The following SMAD7 variants were observed in gnomAD, a reference collection of about 807,000 sequenced individuals.
SMAD7 encodes MAD (mothers against decapentaplegic, Drosophila) homolog 7.
Under a neutral mutation model 38.7 loss-of-function variants are expected in SMAD7, and 8 were observed. The ratio of observed to expected loss-of-function variants is 0.21; its 90% CI spans 0.12 to 0.37. SMAD7 has a LOEUF of 0.37. SMAD7 is among the 10% of genes least tolerant of loss of function. SMAD7 has a pLI of 1.00. For synonymous variants in SMAD7, 327 were observed against 265.1 expected, an observed-to-expected ratio of 1.23 and a Z score of -2.27; for missense variants, 477 against 577.9, an observed-to-expected ratio of 0.83 and a Z score of 1.79.
chr18:48,921,268 C>T lies in SMAD7; in HGVS notation c.*104G>A. On this transcript the variant is annotated 3_prime_UTR_variant, in exon 4 of 4. Transcript: ENST00000262158. This position sits in a 1 kb window ranked among gnomAD's most constrained non-coding sequence, Gnocchi z 6.4. ...AACCAACAAACAAAAAAAAAACGAC[C>T]AAAGAGTTTGCATGAAAAGCAAGCA... is the stretch of plus-strand genomic sequence containing the variant. The T allele has an allele frequency of 9.5e-7, 1 of 1,051,246 alleles. No homozygotes were observed. Among genetic ancestry groups the T allele is most frequent in the Non-Finnish European group, 1.4e-6 (1 of 734,468 alleles). 65.1% of individuals were successfully genotyped at this position (1,051,246 alleles called of 1,614,324 possible).
intron 3 of SMAD7, among the ~76,000 whole-genome samples, chr18:48,932,320 G>C (rs548023358): frequency 1.3e-5 from 2 of 152,286 alleles, no homozygotes; most frequent in African/African-American, 4.8e-5. Flanking sequence ...ATCTGCCAAC[G>C]GCACAGTCAT....
chr18:48,946,231 C>T (rs1382116176), intron 2 of SMAD7, among the ~76,000 whole-genome samples: 1 of 152,180 alleles, frequency 6.6e-6, no homozygotes, highest in South Asian at 2.1e-4. Context: ...CCTGTTTCAT[C>T]TAGTAACCCA....
chr18:48,949,682 A>G (rs2070238041), intron 1 of SMAD7, 130 bp downstream of exon 1: 7 of 954,836 alleles, frequency 7.3e-6, no homozygotes, highest in South Asian at 3.9e-5. Context: ...CCAGGAGGGT[A>G]TGCACACTCT....
chr18:48,920,611 C>G lies in SMAD7; in HGVS notation c.*761G>C, dbSNP rs554512204. 4 of 152,526 alleles carry G rather than the reference C, an allele frequency of 2.6e-5. No homozygotes were observed. In the East Asian group the frequency reaches 7.7e-4, roughly 29 times the overall value. The allele number at this position is 152,526 out of a possible 1,614,324, so 9.4% of individuals were successfully genotyped here. A position where few individuals can be genotyped will look rare whatever the true frequency, so the allele number is the denominator to read the frequency against. Reference sequence around the variant, plus strand: ...GCTGCCCCGGCAGCCCTTGGGAAGCCCATCTCAGGGAGATCCAGGAGCAGA... The same window carrying G: ...GCTGCCCCGGCAGCCCTTGGGAAGCGCATCTCAGGGAGATCCAGGAGCAGA... On this transcript the variant is annotated 3_prime_UTR_variant, in exon 4 of 4. Coordinates refer to ENST00000262158, the MANE Select transcript of SMAD7 (RefSeq NM_005904.4).
At chr18:48,947,896 C>CG (rs1568306375) in intron 2 of SMAD7, among the ~76,000 whole-genome samples, 1 of 145,302 alleles carries the variant, frequency 6.9e-6, no homozygotes, top group Non-Finnish European at 1.5e-5. Flanking sequence ...GAACCTACCC[C>CG]CCCCCCCCTT....
Position 48,950,362 on chromosome 18 carries a change from G to GC in SMAD7, c.62dup (p.Glu22ArgfsTer160). The stretch of plus-strand genomic sequence containing the variant: ...CCCCTGCGCCCTCCTCCTCGTCCTC[G>GC]CCGCCGGGCGCACGGCTCCTCCAGA... On this transcript the variant is annotated frameshift_variant, in exon 1 of 4. Transcript: ENST00000262158. LOFTEE classifies it high-confidence loss of function. 6.5e-7 allele frequency: 1 copy of GC among 1,541,842 alleles called. No individual in the cohort carries two copies. Among genetic ancestry groups the GC allele is most frequent in the Non-Finnish European group, 8.7e-7 (1 of 1,143,466 alleles).
chr18:48,927,311 A>AT (rs11409814), intron 3 of SMAD7, among the ~76,000 whole-genome samples: 72,454 of 148,718 alleles, frequency 0.49, 17,586 homozygotes, highest in South Asian at 0.69. Context: ...AGAACACTGG[A>AT]TTTTTTTTTT....
intron 3 of SMAD7, among the ~76,000 whole-genome samples, chr18:48,933,070 A>C (rs2070021421): frequency 6.6e-6 from 1 of 152,142 alleles, no homozygotes; most frequent in South Asian, 2.1e-4. Context: ...TCCTGCTGTC[A>C]TCTTACAATC....
intron 3 of SMAD7, among the ~76,000 whole-genome samples, chr18:48,941,965 G>A (rs2070145345): frequency 6.6e-6 from 1 of 152,172 alleles, no homozygotes; most frequent in African/African-American, 2.4e-5. Context: ...CCCCAGACAT[G>A]TGCTGCAAAA....
intron 2 of SMAD7, among the ~76,000 whole-genome samples, chr18:48,947,637 T>C (rs2070209515): frequency 6.6e-6 from 1 of 152,210 alleles, no homozygotes; most frequent in African/African-American, 2.4e-5. Flanking sequence ...CAAGTTCATT[T>C]TGCTGACCCT....
At position 48,921,505 on chromosome 18, in the gene SMAD7, T is replaced by C. The variant is rs761693983; in HGVS notation, c.1148A>G (p.His383Arg). ...KAYSLQRPND[H>R]EFMQQPWTGF... ...CGTCCACGGCTGCTGCATAAACTCG[T>C]GGTCATTGGGCCGCTGCAGGCTGTA... Residue 383 changes from histidine to arginine, a missense_variant, in exon 4 of 4, where the codon CAC becomes CGC. Physicochemically the swap from His to Arg is conservative, Grantham distance 29 (BLOSUM62 0). This residue lies in a region of SMAD7 where 101 missense variants were observed against 198.5 expected (regional missense o/e 0.51). Transcript: ENST00000262158. The surrounding 1 kb of genome is among the most constrained non-coding windows in gnomAD (Gnocchi z 6.4). 1.1e-5 allele frequency: 18 copies of C among 1,614,224 alleles called. No individual in the cohort carries two copies. The highest frequency in any genetic ancestry group is 3.3e-4 in the Middle Eastern group (2 of 6,062).
intron 2 of SMAD7, chr18:48,942,941 C>T (rs4939834): frequency 0.16 from 39,093 of 243,090 alleles, 7,542 homozygotes; most frequent in African/African-American, 0.55. Context: ...AAGGCTCTCT[C>T]CTTGGAGCCC....
rs138772241 is a variant in SMAD7, at chr18:48,923,467, A to AGTT, written c.743-1560_743-1558dup. Among the ~76,000 whole-genome samples the AGTT allele has an allele frequency of 8.4e-3, 1,276 of 151,948 alleles. 11 individuals are homozygous for AGTT. The highest frequency in any genetic ancestry group is 0.028 in the African/African-American group (1,174 of 41,414). The stretch of plus-strand genomic sequence containing the variant: ...ACCTGGGAACCCACTGGCTCCACTC[A>AGTT]GTTGTTGTTGTTGTTGTTGTTGTTT... On this transcript the variant is annotated intron_variant, in intron 3 of 3. Coordinates refer to ENST00000262158, the MANE Select transcript of SMAD7 (RefSeq NM_005904.4).
In SMAD7 at chr18:48,947,892, A is replaced by ACCC. The variant is rs71165356; in HGVS notation, c.667+489_667+491dup. Among the ~76,000 whole-genome samples the ACCC allele has an allele frequency of 1.3e-3, 151 of 113,250 alleles. 5 individuals carry two copies. Among genetic ancestry groups the ACCC allele is most frequent in the East Asian group, 4.4e-3 (14 of 3,166 alleles). 74.3% of individuals were successfully genotyped at this position (113,250 alleles called of 152,430 possible). Reference sequence around the variant, plus strand: ...CAGGTGACTGGAGCAGGAGGAACCTACCCCCCCCCCCCTTTTACTGGCTGT... The same window carrying ACCC: ...CAGGTGACTGGAGCAGGAGGAACCTACCCCCCCCCCCCCCCTTTTACTGGCTGT... On this transcript the variant is annotated intron_variant, in intron 2 of 3. Coordinates refer to ENST00000262158, the MANE Select transcript of SMAD7 (RefSeq NM_005904.4).
Position 48,949,981 on chromosome 18 carries a change from C to T in SMAD7, c.444G>A (p.Gln148=), listed in dbSNP as rs137930330. ...GGGGGAGCGAGTAGGACGAGGGCGG[C>T]TGCGCAGGCTGCGCGCCGGCGGGCG... is the stretch of plus-strand genomic sequence containing the variant. ...PGAPAGAQPA[Q]PPSSYSLPLL... Residue 148 remains glutamine, a synonymous_variant, in exon 1 of 4, where the codon CAG becomes CAA. Transcript: ENST00000262158. The T allele has an allele frequency of 6.3e-6, 10 of 1,591,768 alleles. No homozygotes were observed. In the African/African-American group the frequency reaches 1.2e-4, roughly 20 times the overall value.
At chr18:48,944,695 G>C (rs1320262573) in intron 2 of SMAD7, among the ~76,000 whole-genome samples, 1 of 152,130 alleles carries the variant, frequency 6.6e-6, no homozygotes, top group Non-Finnish European at 1.5e-5. Flanking sequence ...ATCCAGACTG[G>C]CCTCAAGGTT....
At chr18:48,937,264 A>G (rs9945955) in intron 3 of SMAD7, among the ~76,000 whole-genome samples, 2,178 of 119,872 alleles carry the variant, frequency 0.018, 35 homozygotes, top group African/African-American at 0.046. Flanking sequence ...AAGTAAAGGC[A>G]TGTGTGTGTG....
intron 3 of SMAD7, among the ~76,000 whole-genome samples, chr18:48,936,076 A>C (rs1388125330): frequency 1.3e-5 from 1 of 79,432 alleles, no homozygotes; most frequent in African/African-American, 5.5e-5. Flanking sequence ...CTCCATCTCA[A>C]AACACACACA....
At position 48,950,187 on chromosome 18, in the gene SMAD7, C is replaced by A. The variant is rs1044552616; in HGVS notation, c.238G>T (p.Ala80Ser). The A allele has an allele frequency of 6.1e-6, 9 of 1,485,334 alleles. No individual in the cohort carries two copies. In the African/African-American group the frequency reaches 1.3e-4, roughly 22 times the overall value. 92.0% of individuals were successfully genotyped at this position (1,485,334 alleles called of 1,614,324 possible). The change falls in exon 1 of 4, where the codon GCG (alanine) becomes TCG (serine). Residue 80 changes from alanine (A) to serine (S), a missense_variant. Physicochemically the swap from Ala to Ser is moderately conservative, Grantham distance 99. This residue lies in a region of SMAD7 where 376 missense variants were observed against 379.4 expected (regional missense o/e 0.99). Transcript: ENST00000262158. ...GCGCCCCCGGCCGCGCCGGCGCCCG[C>A]GGCTGGCGGGTGGGGATGGTGGTGA... ...KGHHHPHPPA[A>S]GAGAAGGAEA...
Sources: gnomAD v4.1 joint callset for allele counts (sites outside exome capture counted in the v4.1 genomes callset) on GRCh38, gnomAD v4.1.1 for gene constraint, gnomAD v4.1.1 regional missense constraint, Gnocchi (gnomAD v3.1) non-coding constraint, MANE v1.5 for transcripts, NCBI Gene and HGNC (gene_info 2026-07-23, HGNC 2026-07-21) for gene names.